Variants in XRCC4 observed in about 807,000 individuals in gnomAD.
XRCC4 encodes the protein DNA repair protein XRCC4.
In XRCC4, 28 loss-of-function variants were observed where a neutral mutation model predicts 39.1. The observed-to-expected ratio is 0.72, with a 90% CI of 0.53 to 0.98. XRCC4 has a LOEUF of 0.98. Ranked by LOEUF, XRCC4 falls within the 50% of genes least tolerant of loss-of-function variation. XRCC4 has a pLI of 0.00. For missense variants in XRCC4, 350 were observed against 376.4 expected, an observed-to-expected ratio of 0.93 and a Z score of 0.58; for synonymous variants, 123 against 126.4, an observed-to-expected ratio of 0.97 and a Z score of 0.18.
intron 3 of XRCC4, among the ~76,000 whole-genome samples, chr5:83,116,833 G>A (rs1580242489): frequency 6.6e-6 from 1 of 152,040 alleles, no homozygotes; most frequent in Admixed American, 6.6e-5. Context: ...TATGGGCCAG[G>A]CTGGTCTCGA....
chr5:83,199,230 G>A (rs149416036), intron 4 of XRCC4, among the ~76,000 whole-genome samples: 64 of 152,186 alleles, frequency 4.2e-4, no homozygotes, highest in African/African-American at 1.5e-3. Flanking sequence ...TTGATAGCCC[G>A]TTACAGTGTT....
At chr5:83,139,239 G>A (rs569656699) in intron 3 of XRCC4, among the ~76,000 whole-genome samples, 4 of 152,206 alleles carry the variant, frequency 2.6e-5, no homozygotes, top group African/African-American at 7.2e-5. Flanking sequence ...GCCATTGAGA[G>A]TTTGTAGGAC....
chr5:83,287,133 T>G (rs1382497519), intron 7 of XRCC4, among the ~76,000 whole-genome samples: 1 of 152,048 alleles, frequency 6.6e-6, no homozygotes, highest in Admixed American at 6.6e-5. Context: ...TCCAGCCCAT[T>G]CTCCTGCCCT....
At chr5:83,208,659 C>T (rs539095258) in intron 6 of XRCC4, among the ~76,000 whole-genome samples, 21 of 152,050 alleles carry the variant, frequency 1.4e-4, no homozygotes, top group African/African-American at 4.6e-4. Flanking sequence ...CTCATATGTA[C>T]TGTATGATGT....
At chr5:83,346,124 C>T (rs1158405396) in intron 7 of XRCC4, among the ~76,000 whole-genome samples, 1 of 152,134 alleles carries the variant, frequency 6.6e-6, no homozygotes, top group Non-Finnish European at 1.5e-5. Context: ...TAGGCTTTAG[C>T]CTGTAACTTT....
intron 1 of XRCC4, among the ~76,000 whole-genome samples, chr5:83,091,761 C>T (rs144375826): frequency 4.2e-4 from 64 of 150,792 alleles, no homozygotes; most frequent in African/African-American, 1.5e-3. Flanking sequence ...ATTCATTTAT[C>T]CTCTGATAGA....
chr5:83,279,877 A>G (rs3777034), intron 7 of XRCC4: 12,368 of 155,334 alleles, frequency 0.08, 773 homozygotes, highest in African/African-American at 0.16. Flanking sequence ...TGAACAAACT[A>G]AAGTTACAAG....
intron 1 of XRCC4, among the ~76,000 whole-genome samples, chr5:83,092,807 A>G (rs886705542): frequency 3.9e-5 from 6 of 152,142 alleles, no homozygotes; most frequent in Admixed American, 6.5e-5. Flanking sequence ...AAAAGATTCA[A>G]GACATACCAC....
chr5:83,137,648 A>G (rs949329413), intron 3 of XRCC4, among the ~76,000 whole-genome samples: 1 of 152,140 alleles, frequency 6.6e-6, no homozygotes, highest in Non-Finnish European at 1.5e-5. Context: ...AGATTTTGGC[A>G]GCTTATTCAA....
At chr5:83,316,848 C>T (rs1423214456) in intron 7 of XRCC4, among the ~76,000 whole-genome samples, 3 of 107,456 alleles carry the variant, frequency 2.8e-5, no homozygotes, top group South Asian at 4.0e-4. Flanking sequence ...CTGCACCAAG[C>T]GGACCTAATA....
intron 3 of XRCC4, among the ~76,000 whole-genome samples, chr5:83,192,898 GATAA>G (rs1320835692): frequency 3.9e-5 from 6 of 152,142 alleles, no homozygotes; most frequent in African/African-American, 7.2e-5. Flanking sequence ...TGACAGAACT[GATAA>G]ATAAAGAACA....
At chr5:83,285,804 T>G (rs193186091) in intron 7 of XRCC4, among the ~76,000 whole-genome samples, 1 of 152,234 alleles carries the variant, frequency 6.6e-6, no homozygotes, top group East Asian at 1.9e-4. Context: ...TCTGATCCCA[T>G]TGGTAACTCC....
At chr5:83,296,290 G>T (rs1444669553) in intron 7 of XRCC4, among the ~76,000 whole-genome samples, 1 of 152,030 alleles carries the variant, frequency 6.6e-6, no homozygotes, top group Non-Finnish European at 1.5e-5. Context: ...TTTCCCTTTG[G>T]CCTGTTTTAT....
At chr5:83,225,030 CTG>C (rs1428965974) in intron 6 of XRCC4, among the ~76,000 whole-genome samples, 1 of 152,162 alleles carries the variant, frequency 6.6e-6, no homozygotes, top group Non-Finnish European at 1.5e-5. Context: ...CCTTGAATAT[CTG>C]TGTTGATTTA....
chr5:83,356,475 G>C (rs1382318935), downstream of XRCC4, among the ~76,000 whole-genome samples: 1 of 152,134 alleles, frequency 6.6e-6, no homozygotes, highest in Admixed American at 6.6e-5. Flanking sequence ...TTTAGAAAAT[G>C]TTTGTTTATA....
chr5:83,278,848 C>T (rs994395588), intron 7 of XRCC4, among the ~76,000 whole-genome samples: 7 of 150,614 alleles, frequency 4.6e-5, no homozygotes, highest in African/African-American at 1.2e-4. Context: ...ATTAGCTGAG[C>T]GTGGCGACGT....
intron 3 of XRCC4, among the ~76,000 whole-genome samples, chr5:83,172,612 T>C (rs1008188568): frequency 2.3e-4 from 35 of 152,192 alleles, no homozygotes; most frequent in African/African-American, 7.0e-4. Flanking sequence ...TTTTCAGACA[T>C]GTCACATTAA....
intron 3 of XRCC4, among the ~76,000 whole-genome samples, chr5:83,192,420 G>A (rs935939776): frequency 6.0e-5 from 9 of 151,142 alleles, no homozygotes; most frequent in African/African-American, 2.2e-4. Context: ...CAATTCTCCT[G>A]CCTCAACCTC....
At position 83,111,148 on chromosome 5, in the gene XRCC4, A is replaced by G. The variant is rs1561333154; in HGVS notation, c.260A>G (p.Asn87Ser). 1 of 1,604,518 alleles carries G rather than the reference A, an allele frequency of 6.2e-7. No homozygotes were observed. Among genetic ancestry groups the G allele is most frequent in the Non-Finnish European group, 8.5e-7 (1 of 1,176,794 alleles). ...GAGPADVYTFNFSKESCYFFF... is the reference protein window; with the variant it reads ...GAGPADVYTFSFSKESCYFFF... Reference sequence around the variant, plus strand: ...GGACCAGCTGATGTATACACGTTTAATTTTTCTAAAGAGTCTTGTTATTTC... The same window carrying G: ...GGACCAGCTGATGTATACACGTTTAGTTTTTCTAAAGAGTCTTGTTATTTC... The change falls in exon 3 of 8, where the codon AAT becomes AGT. Residue 87 changes from asparagine to serine, a missense_variant. By Grantham distance (46) the Asn-to-Ser change is conservative. Coordinates refer to ENST00000396027, the MANE Select transcript of XRCC4 (RefSeq NM_003401.5).
Sources: gnomAD v4.1 joint callset for allele counts (sites outside exome capture counted in the v4.1 genomes callset) on GRCh38, gnomAD v4.1.1 for gene constraint, MANE v1.5 for transcripts, NCBI Gene and HGNC (gene_info 2026-07-23, HGNC 2026-07-21) for gene names.